DOCK1: variants seen among roughly 807,000 people sequenced by gnomAD.
DOCK1 encodes dedicator of cytokinesis protein 1.
Under a neutral mutation model 262.7 loss-of-function variants are expected in DOCK1, and 138 were observed. The ratio of observed to expected loss-of-function variants is 0.53; its 90% confidence interval spans 0.46 to 0.61. The LOEUF (loss-of-function observed/expected upper bound fraction) is 0.61, where lower values mean the gene tolerates loss of function less well. DOCK1 is among the 20% of genes least tolerant of loss of function. DOCK1 has a pLI of 0.00. For synonymous variants in DOCK1, 866 were observed against 867.4 expected, an observed-to-expected ratio of 1.00 and a Z score of 0.03; for missense variants, 1,908 against 2,370.7, an observed-to-expected ratio of 0.80 and a Z score of 4.05.
intron 29 of DOCK1, among the ~76,000 whole-genome samples, chr10:127,313,711 C>T (rs1025108407): frequency 4.6e-5 from 7 of 152,088 alleles, no homozygotes; most frequent in African/African-American, 1.7e-4. Context: ...TCCTCTTTTC[C>T]CCCCGCCTCC....
chr10:126,932,400 C>T lies in DOCK1; in HGVS notation c.46+26837C>T, dbSNP rs1286375445. 3.3e-5 allele frequency among the ~76,000 whole-genome samples: 5 copies of T among 151,866 alleles called. No homozygotes were observed. In the East Asian group the frequency reaches 7.7e-4, roughly 23 times the overall value. ...AGAACAAACAAAAATCCTGTCCTCC[C>T]GGGAAGACCTAGAGATTGCTTTTGA... On this transcript the variant is annotated intron_variant, in intron 1 of 51. Coordinates refer to ENST00000623213, the MANE Select transcript of DOCK1 (RefSeq NM_001290223.2).
intron 24 of DOCK1, among the ~76,000 whole-genome samples, chr10:127,109,000 T>C (rs1056943094): frequency 6.6e-6 from 1 of 152,022 alleles, no homozygotes; most frequent in Non-Finnish European, 1.5e-5. Flanking sequence ...CAAGTTTTTT[T>C]AAAAAAAATA....
chr10:127,106,178 T>C, intron 23 of DOCK1, 53 bp from the exon 24 acceptor site: 2 of 1,537,354 alleles, frequency 1.3e-6, no homozygotes, highest in South Asian at 1.2e-5. Flanking sequence ...CAAATTGGTA[T>C]GAACACTCCC....
At chr10:127,321,196 G>A (rs1019321083) in intron 29 of DOCK1, among the ~76,000 whole-genome samples, 3 of 147,250 alleles carry the variant, frequency 2.0e-5, no homozygotes, top group Non-Finnish European at 1.5e-5. Flanking sequence ...TCTCCCTCTC[G>A]CTCTATCTCT....
Position 127,403,159 on chromosome 10 carries a change from C to A in DOCK1, c.4017+15C>A, listed in dbSNP as rs746478925. The A allele has an allele frequency of 1.3e-6, 2 of 1,588,734 alleles. No homozygotes were observed. Among genetic ancestry groups the A allele is most frequent in the Non-Finnish European group, 1.7e-6 (2 of 1,167,024 alleles). On this transcript the variant is annotated intron_variant, in intron 39 of 51. Transcript: ENST00000623213. ...GCGAATTGCTGGTGAGTCTTTATTT[C>A]TTTTTATTTAAATGAACACAGGCAA... is the stretch of plus-strand genomic sequence containing the variant.
chr10:127,055,273 C>T (rs1335303912), intron 22 of DOCK1, among the ~76,000 whole-genome samples: 1 of 152,260 alleles, frequency 6.6e-6, no homozygotes, highest in Non-Finnish European at 1.5e-5. Context: ...TCTCTCTGCC[C>T]CACCATCCTT....
chr10:127,060,907 A>T (rs2045487271), intron 22 of DOCK1, among the ~76,000 whole-genome samples: 1 of 152,190 alleles, frequency 6.6e-6, no homozygotes, highest in South Asian at 2.1e-4. Flanking sequence ...TGTGTTGTTG[A>T]TTTTCAATTT....
chr10:127,200,827 A>G (rs1430250342), intron 27 of DOCK1, among the ~76,000 whole-genome samples: 1 of 152,230 alleles, frequency 6.6e-6, no homozygotes, highest in Non-Finnish European at 1.5e-5. Flanking sequence ...TTAAACATCT[A>G]GAGGTGAGGA....
rs74158675 is a variant in DOCK1, at chr10:127,379,711, C to A, written c.3676-371C>A. Among the ~76,000 whole-genome samples, 676 of 152,290 alleles carry A rather than the reference C, an allele frequency of 4.4e-3. 6 individuals carry two copies. Among genetic ancestry groups the A allele is most frequent in the African/African-American group, 0.015 (638 of 41,560 alleles). Reference sequence around the variant, plus strand: ...TTGATGATGCTTATTTGCTTATTCCCAAATTTGGGATATTTATTTATGTAT... The same window carrying A: ...TTGATGATGCTTATTTGCTTATTCCAAAATTTGGGATATTTATTTATGTAT... On this transcript the variant is annotated intron_variant, in intron 35 of 51. Transcript: ENST00000623213.
intron 35 of DOCK1, 112 bp downstream of exon 35, chr10:127,374,326 G>C (rs2134041003): frequency 7.5e-7 from 1 of 1,332,252 alleles, no homozygotes; most frequent in Non-Finnish European, 9.9e-7. Context: ...TTCCACCGCA[G>C]AACAATCTCC....
intron 27 of DOCK1, among the ~76,000 whole-genome samples, chr10:127,183,773 A>G (rs1048066809): frequency 3.3e-5 from 5 of 152,170 alleles, no homozygotes; most frequent in Non-Finnish European, 2.9e-5. Context: ...AAAATAAACA[A>G]AAGGTCTATA....
chr10:127,113,774 C>T (rs1463973702), intron 25 of DOCK1, among the ~76,000 whole-genome samples: 6 of 152,150 alleles, frequency 3.9e-5, no homozygotes, highest in Non-Finnish European at 5.9e-5. Context: ...ACCAGGCCTG[C>T]GTCACTGCGG....
chr10:127,243,804 CTG>C (rs1228716760), intron 27 of DOCK1, among the ~76,000 whole-genome samples: 8 of 152,134 alleles, frequency 5.3e-5, no homozygotes, highest in Non-Finnish European at 1.2e-4. Context: ...TTTGTCCCTC[CTG>C]CCAGATGGAT....
intron 22 of DOCK1, among the ~76,000 whole-genome samples, chr10:127,060,846 G>T (rs2045482982): frequency 6.6e-6 from 1 of 152,218 alleles, no homozygotes; most frequent in South Asian, 2.1e-4. Flanking sequence ...AGCAACTCTT[G>T]TGATATCATT....
intron 23 of DOCK1, among the ~76,000 whole-genome samples, chr10:127,074,678 A>G (rs770178612): frequency 1.3e-5 from 2 of 152,214 alleles, no homozygotes; most frequent in African/African-American, 4.8e-5. Flanking sequence ...AATTCTTAGC[A>G]TCACTATTTT....
intron 27 of DOCK1, among the ~76,000 whole-genome samples, chr10:127,143,026 G>A (rs951226593): frequency 5.9e-5 from 9 of 152,182 alleles, no homozygotes; most frequent in East Asian, 5.8e-4. Context: ...ACTTCTCCCC[G>A]CTGCCGCATG....
At chr10:127,431,428 TC>T (rs1412041739) in intron 47 of DOCK1, among the ~76,000 whole-genome samples, 1 of 152,210 alleles carries the variant, frequency 6.6e-6, no homozygotes, top group Non-Finnish European at 1.5e-5. Flanking sequence ...AAATCCATAC[TC>T]ACACATCTCA....
At chr10:127,330,589 C>A (rs1383494198) in intron 29 of DOCK1, among the ~76,000 whole-genome samples, 1 of 152,152 alleles carries the variant, frequency 6.6e-6, no homozygotes, top group Non-Finnish European at 1.5e-5. Context: ...TGGGTATCAT[C>A]AACTGAAGAA....
chr10:126,990,010 C>T (rs116665846), intron 5 of DOCK1, among the ~76,000 whole-genome samples: 1 of 152,118 alleles, frequency 6.6e-6, no homozygotes, highest in Non-Finnish European at 1.5e-5. Flanking sequence ...TCTCAGTGTG[C>T]TGAGAAGGGT....
Sources: gnomAD v4.1 joint callset for allele counts (sites outside exome capture counted in the v4.1 genomes callset) on GRCh38, gnomAD v4.1.1 for gene constraint, MANE v1.5 for transcripts, NCBI Gene and HGNC (gene_info 2026-07-23, HGNC 2026-07-21) for gene names.